Variants in ITGA2 observed in about 807,000 individuals in gnomAD.
The protein encoded by ITGA2 is integrin alpha-2.
A neutral mutation model predicts 146.3 loss-of-function variants in ITGA2; 101 were observed. The observed-to-expected ratio is 0.69, with a 90% CI of 0.59 to 0.81. ITGA2 has a LOEUF of 0.81. Ranked by LOEUF, ITGA2 falls within the 40% of genes least tolerant of loss-of-function variation. The probability of loss-of-function intolerance (pLI) is 0.00; values close to 1 mark genes in which losing one functional copy is unlikely to be tolerated. For synonymous variants in ITGA2, 477 were observed against 487.1 expected (o/e 0.98, Z 0.27); for missense variants, 1,281 against 1,402.7 (o/e 0.91, Z 1.39).
rs1028073086 is a variant in ITGA2 at position 53,065,012 on chromosome 5, G to T, written c.1703G>T (p.Gly568Val). The T allele has an allele frequency of 6.2e-7, 1 of 1,612,798 alleles. No homozygotes were observed. The highest frequency in any genetic ancestry group is 8.5e-7 in the Non-Finnish European group (1 of 1,179,178). The change falls in exon 14 of 30, where the codon GGC (glycine) becomes GTC (valine). Residue 568 changes from glycine (G) to valine (V), a missense_variant. Gly to Val is a moderately radical substitution (Grantham distance 109). Coordinates refer to ENST00000296585, the MANE Select transcript of ITGA2 (RefSeq NM_002203.4). Reference sequence around the variant, plus strand: ...GCTCTTTCAGACATCAACATGGATGGCTTTAATGATGTGATTGTTGGTTCA... The same window carrying T: ...GCTCTTTCAGACATCAACATGGATGTCTTTAATGATGTGATTGTTGGTTCA... ...IAALSDINMD[G>V]FNDVIVGSPL...
intron 2 of ITGA2, among the ~76,000 whole-genome samples, chr5:53,036,914 TCAGTCCCCAA>T (rs1743518752): frequency 2.0e-5 from 3 of 152,240 alleles, no homozygotes; most frequent in Admixed American, 2.0e-4. Context: ...GTGTACCATT[TCAGTCCCCAA>T]GAGCCCAATA....
At chr5:53,072,547 T>A in intron 18 of ITGA2, 66 bp from the exon 19 acceptor site, 1 of 953,112 alleles carries the variant, frequency 1.0e-6, no homozygotes, top group Non-Finnish European at 1.7e-6. Context: ...ATATTCTATG[T>A]ATTCTTCTGT....
rs1042473037 is a variant in ITGA2, at chr5:53,042,163, T to C, written c.237T>C (p.Asp79=). ...GCTTTCCTGAGAACCGAATGGGAGA[T>C]GTGTATAAATGTCCTGTTGACCTAT... is the stretch of plus-strand genomic sequence containing the variant. The part of the protein sequence containing the change: ...WSGFPENRMG[D]VYKCPVDLST... The change falls in exon 3 of 30, where the codon GAT becomes GAC. Residue 79 remains aspartate (D), a synonymous_variant. Transcript: ENST00000296585. 1 of 1,613,414 alleles carries C rather than the reference T, an allele frequency of 6.2e-7. No individual in the cohort carries two copies. Among genetic ancestry groups the C allele is most frequent in the African/African-American group, 1.3e-5 (1 of 74,916 alleles).
At chr5:53,045,746 AAT>A (rs1470923101) in intron 4 of ITGA2, among the ~76,000 whole-genome samples, 1 of 152,218 alleles carries the variant, frequency 6.6e-6, no homozygotes, top group Non-Finnish European at 1.5e-5. Flanking sequence ...TAGAAAAAAT[AAT>A]ATAGGAAATT....
intron 2 of ITGA2, among the ~76,000 whole-genome samples, chr5:53,033,966 T>C (rs1486783717): frequency 6.6e-6 from 1 of 152,132 alleles, no homozygotes; most frequent in African/African-American, 2.4e-5. Context: ...GGTTTCACCG[T>C]GTTGGCCAGG....
At chr5:53,075,842 C>T (rs1344576223) in intron 23 of ITGA2, among the ~76,000 whole-genome samples, 1 of 151,896 alleles carries the variant, frequency 6.6e-6, no homozygotes, top group African/African-American at 2.4e-5. Flanking sequence ...CCTCACATAT[C>T]AGATTAGGGT....
chr5:53,067,003 TAGAG>T (rs1280285684), intron 15 of ITGA2, 111 bp from the exon 16 acceptor site: 8 of 1,029,448 alleles, frequency 7.8e-6, no homozygotes, highest in Non-Finnish European at 1.2e-5. Flanking sequence ...AGTGCTTTGA[TAGAG>T]AGTAGAGAGA....
At chr5:52,996,538 C>T (rs1323657857) in intron 1 of ITGA2, among the ~76,000 whole-genome samples, 1 of 152,100 alleles carries the variant, frequency 6.6e-6, no homozygotes, top group South Asian at 2.1e-4. Context: ...GAAGTTGATC[C>T]AGGTATGCAA....
At chr5:52,997,658 T>A (rs1225349100) in intron 1 of ITGA2, among the ~76,000 whole-genome samples, 2 of 152,144 alleles carry the variant, frequency 1.3e-5, no homozygotes, top group African/African-American at 4.8e-5. Context: ...ATGGATACCA[T>A]GTAGAAATGC....
chr5:53,074,543 C>A, intron 21 of ITGA2, 66 bp downstream of exon 21: 1 of 1,211,430 alleles, frequency 8.3e-7, no homozygotes, highest in Non-Finnish European at 1.2e-6. Flanking sequence ...AATTTACCAA[C>A]ATAACATCTT....
chr5:53,005,714 CA>C (rs1362347321), intron 1 of ITGA2, among the ~76,000 whole-genome samples: 2 of 151,882 alleles, frequency 1.3e-5, no homozygotes, highest in African/African-American at 4.8e-5. Flanking sequence ...AAGTACTTAC[CA>C]TTTGTTAGAC....
At chr5:53,011,152 G>A (rs916269137) in intron 1 of ITGA2, among the ~76,000 whole-genome samples, 1 of 152,098 alleles carries the variant, frequency 6.6e-6, no homozygotes, top group Non-Finnish European at 1.5e-5. Flanking sequence ...AAACCACAAC[G>A]TTTATGGTAA....
chr5:53,051,254 A>G (rs986444035), intron 6 of ITGA2, among the ~76,000 whole-genome samples, 157 bp from the exon 7 acceptor site: 6 of 152,328 alleles, frequency 3.9e-5, no homozygotes, highest in Admixed American at 2.6e-4. Context: ...AAATCATTCC[A>G]TTGAAAGAAA....
intron 10 of ITGA2, among the ~76,000 whole-genome samples, chr5:53,058,594 G>C (rs3212531): frequency 0.074 from 11,231 of 151,702 alleles, 586 homozygotes; most frequent in East Asian, 0.17. Context: ...GCTCGGGGAA[G>C]TCTATTTCTA....
intron 1 of ITGA2, among the ~76,000 whole-genome samples, chr5:53,010,432 C>T (rs1742067906): frequency 6.6e-6 from 1 of 152,132 alleles, no homozygotes; most frequent in Non-Finnish European, 1.5e-5. Context: ...TTACTCCTTC[C>T]AATTGCTGCC....
chr5:53,015,513 G>A (rs946973631), intron 1 of ITGA2, among the ~76,000 whole-genome samples: 1 of 151,928 alleles, frequency 6.6e-6, no homozygotes, highest in African/African-American at 2.4e-5. Flanking sequence ...ATGGCTGATT[G>A]TGTGGTCAGT....
chr5:53,050,465 G>GCACCTTTCTCTATCT (rs1744302763), intron 6 of ITGA2, among the ~76,000 whole-genome samples: 3 of 152,078 alleles, frequency 2.0e-5, no homozygotes, highest in African/African-American at 7.2e-5. Flanking sequence ...AGAGAAAGGG[G>GCACCTTTCTCTATCT]TCCAGGAATA....
At chr5:53,027,510 A>G (rs1441398358) in intron 2 of ITGA2, among the ~76,000 whole-genome samples, 1 of 152,250 alleles carries the variant, frequency 6.6e-6, no homozygotes, top group East Asian at 1.9e-4. Context: ...AACCACCTCA[A>G]TGGAGATGGA....
At chr5:53,010,166 T>C (rs1457234175) in intron 1 of ITGA2, among the ~76,000 whole-genome samples, 1 of 152,096 alleles carries the variant, frequency 6.6e-6, no homozygotes, top group Non-Finnish European at 1.5e-5. Context: ...CTCTTTTGTT[T>C]AGTGGCATGA....
Sources: allele counts gnomAD v4.1 joint callset (sites outside exome capture counted in the v4.1 genomes callset), GRCh38; gene constraint gnomAD v4.1.1; transcripts MANE v1.5; gene names NCBI Gene and HGNC (gene_info 2026-07-23, HGNC 2026-07-21).